Variants in FHOD3 observed in about 807,000 individuals in gnomAD.
FHOD3 encodes formin homology 2 domain containing 3.
In FHOD3, 90 loss-of-function variants were observed where a neutral mutation model predicts 173.0. The ratio of observed to expected loss-of-function variants is 0.52; its 90% CI spans 0.44 to 0.62. FHOD3 has a LOEUF of 0.62. FHOD3 is among the 20% of genes least tolerant of loss of function. The pLI, the probability that FHOD3 is intolerant of heterozygous loss-of-function variation, is 0.00. For synonymous variants in FHOD3, 828 were observed against 823.0 expected (o/e 1.01, Z -0.10); for missense variants, 1,945 against 2,034.7 (o/e 0.96, Z 0.85).
At chr18:36,576,674 A>T (rs2058666804) in intron 6 of FHOD3, 129 bp downstream of exon 6, 10 of 577,146 alleles carry the variant, frequency 1.7e-5, no homozygotes, top group Admixed American at 3.7e-5. Flanking sequence ...ATAAATGAGG[A>T]TTACTACTCT....
intron 18 of FHOD3, among the ~76,000 whole-genome samples, chr18:36,712,280 C>G (rs927785481): frequency 6.6e-5 from 10 of 152,120 alleles, no homozygotes; most frequent in African/African-American, 2.4e-4. Context: ...TAAACAGATG[C>G]CAACACTGAG....
At chr18:36,618,340 G>T in intron 9 of FHOD3, among the ~76,000 whole-genome samples, 1 of 112,974 alleles carries the variant, frequency 8.9e-6, no homozygotes. Context: ...TTTTGAGATG[G>T]AGTTTCACTC....
chr18:36,299,405 T>C (rs1455986333), intron 1 of FHOD3, among the ~76,000 whole-genome samples: 1 of 152,206 alleles, frequency 6.6e-6, no homozygotes, highest in African/African-American at 2.4e-5. Flanking sequence ...AATTAGTTGA[T>C]TCAGTGAAAA....
intron 3 of FHOD3, among the ~76,000 whole-genome samples, chr18:36,478,988 A>G (rs1317416026): frequency 2.0e-5 from 3 of 152,248 alleles, no homozygotes; most frequent in African/African-American, 7.2e-5. Context: ...GTATAAAAAG[A>G]CAAGATTTGA....
chr18:36,456,382 A>G (rs1416692530), intron 3 of FHOD3, among the ~76,000 whole-genome samples: 1 of 152,124 alleles, frequency 6.6e-6, no homozygotes, highest in African/African-American at 2.4e-5. Flanking sequence ...AGGGGTTTGT[A>G]GCCTGGATAT....
chr18:36,345,041 C>A lies in FHOD3; in HGVS notation c.166-10498C>A, dbSNP rs374912286. Reference sequence around the variant, plus strand: ...AATGAAAAGGAAAAATAGAAAAATTCACAGTTGTATGCCTCTCTATAGAAC... The same window carrying A: ...AATGAAAAGGAAAAATAGAAAAATTAACAGTTGTATGCCTCTCTATAGAAC... On this transcript the variant is annotated intron_variant, in intron 1 of 28. Transcript: ENST00000590592. Among the ~76,000 whole-genome samples the A allele has an allele frequency of 5.7e-4, 87 of 152,226 alleles. 2 individuals are homozygous for A. The highest frequency in any genetic ancestry group is 4.3e-3 in the East Asian group (22 of 5,166).
intron 18 of FHOD3, among the ~76,000 whole-genome samples, chr18:36,716,228 G>A (rs1340395132): frequency 6.6e-6 from 1 of 152,246 alleles, no homozygotes; most frequent in African/African-American, 2.4e-5. Flanking sequence ...GGACGCCCCT[G>A]CAGTACTGCA....
intron 10 of FHOD3, among the ~76,000 whole-genome samples, chr18:36,627,335 T>C (rs968146): frequency 0.98 from 148,858 of 152,242 alleles, 72,886 homozygotes; most frequent in East Asian, 1. Context: ...TTCTCCTGCT[T>C]CATCATGTTT....
At chr18:36,543,902 G>GA (rs1555749787) in intron 5 of FHOD3, among the ~76,000 whole-genome samples, 5 of 152,222 alleles carry the variant, frequency 3.3e-5, no homozygotes, top group South Asian at 4.1e-4. Flanking sequence ...TTCTGCGGTA[G>GA]AAGCTAGGAA....
intron 3 of FHOD3, among the ~76,000 whole-genome samples, chr18:36,381,526 G>C (rs2047786950): frequency 6.6e-6 from 1 of 152,208 alleles, no homozygotes; most frequent in Admixed American, 6.5e-5. Context: ...AGGAGGATGA[G>C]GGTGCCAGGC....
chr18:36,366,484 A>G (rs535336975), intron 2 of FHOD3, among the ~76,000 whole-genome samples: 11 of 152,332 alleles, frequency 7.2e-5, no homozygotes, highest in African/African-American at 2.6e-4. Context: ...TCACACCCTC[A>G]GGAGAAGGTA....
chr18:36,767,092 C>T (rs982826619), intron 27 of FHOD3, among the ~76,000 whole-genome samples: 23 of 152,004 alleles, frequency 1.5e-4, no homozygotes, highest in African/African-American at 5.3e-4. Context: ...ATACCGTGAC[C>T]ATTCTGAGAA....
chr18:36,577,162 A>G (rs993111369), intron 6 of FHOD3, among the ~76,000 whole-genome samples: 1 of 152,134 alleles, frequency 6.6e-6, no homozygotes, highest in East Asian at 1.9e-4. Context: ...TCGTGTGTAC[A>G]TATATATTTA....
rs116288187 is a variant in FHOD3, at chr18:36,741,874, G to T, written c.3760-863G>T. ...GGGCCAGATGGTGGTGGGTTTGGGG[G>T]ACTTTAGAAGGGAACTACAGTATTT... is the stretch of plus-strand genomic sequence containing the variant. On this transcript the variant is annotated intron_variant, in intron 21 of 28. Coordinates refer to ENST00000590592, the MANE Select transcript of FHOD3 (RefSeq NM_001281740.3). Among the ~76,000 whole-genome samples the T allele has an allele frequency of 1.3e-3, 204 of 152,112 alleles. 1 individual carries two copies. The highest frequency in any genetic ancestry group is 4.7e-3 in the African/African-American group (196 of 41,500).
At chr18:36,736,922 C>T (rs1007459586) in intron 20 of FHOD3, among the ~76,000 whole-genome samples, 3 of 152,188 alleles carry the variant, frequency 2.0e-5, no homozygotes, top group Non-Finnish European at 4.4e-5. Flanking sequence ...TTGATGTTTG[C>T]TTTCCTGTGA....
At chr18:36,386,447 A>G (rs2048036138) in intron 3 of FHOD3, among the ~76,000 whole-genome samples, 1 of 152,206 alleles carries the variant, frequency 6.6e-6, no homozygotes, top group Non-Finnish European at 1.5e-5. Context: ...ACTTAGCAGA[A>G]AGCCGTAAAA....
intron 6 of FHOD3, among the ~76,000 whole-genome samples, chr18:36,584,110 G>A (rs546717678): frequency 6.6e-6 from 1 of 152,300 alleles, no homozygotes; most frequent in South Asian, 2.1e-4. Flanking sequence ...ATACAGGCGT[G>A]AGCCAGCATG....
At position 36,779,475 on chromosome 18, in the gene FHOD3, C is replaced by G. The variant is rs1346603430; in HGVS notation, c.4814C>G (p.Thr1605Ser). The change falls in exon 29 of 29, where the codon ACC becomes AGC. Residue 1605 changes from threonine to serine, a missense_variant. Physicochemically the swap from Thr to Ser is moderately conservative, Grantham distance 58. Coordinates refer to ENST00000590592, the MANE Select transcript of FHOD3 (RefSeq NM_001281740.3). ...SLRRTLKSGL[T>S]PEEARALGLV... is the part of the protein sequence containing the mutation. ...CGAAGAACCCTGAAGAGCGGCCTGA[C>G]CCCAGAAGAAGCCAGAGCCCTGGGC... 6.2e-7 allele frequency: 1 copy of G among 1,614,154 alleles called. No individual in the cohort carries two copies. Among genetic ancestry groups the G allele is most frequent in the Non-Finnish European group, 8.5e-7 (1 of 1,180,032 alleles).
intron 3 of FHOD3, among the ~76,000 whole-genome samples, chr18:36,500,082 CA>C (rs987462594): frequency 2.2e-4 from 33 of 152,322 alleles, no homozygotes; most frequent in African/African-American, 7.7e-4. Context: ...GTCTGTAATA[CA>C]GCAAGGGAGG....
Sources: gnomAD v4.1 joint callset for allele counts (sites outside exome capture counted in the v4.1 genomes callset) on GRCh38, gnomAD v4.1.1 for gene constraint, MANE v1.5 for transcripts, NCBI Gene and HGNC (gene_info 2026-07-23, HGNC 2026-07-21) for gene names.